Variants in SDK1 observed in about 807,000 individuals in gnomAD.
SDK1 encodes protein sidekick-1.
In SDK1, 157 loss-of-function variants were observed where a neutral mutation model predicts 245.5. The ratio of observed to expected loss-of-function variants is 0.64; its 90% CI spans 0.56 to 0.73. SDK1 has a LOEUF of 0.73. SDK1 is among the 30% of genes least tolerant of loss of function. The probability of loss-of-function intolerance (pLI) is 0.00; values close to 1 mark genes in which losing one functional copy is unlikely to be tolerated. For synonymous variants in SDK1, 1,647 were observed against 1,278.5 expected (o/e 1.29, Z -6.15); for missense variants, 3,583 against 3,002.3 (o/e 1.19, Z -4.52).
intron 17 of SDK1, among the ~76,000 whole-genome samples, chr7:4,044,666 A>G (rs978801919): frequency 3.9e-5 from 6 of 152,064 alleles, no homozygotes; most frequent in African/African-American, 1.4e-4. Context: ...GCTGGTCTCA[A>G]ACTCCTGGGC....
chr7:3,771,004 C>T (rs755727252), intron 4 of SDK1, among the ~76,000 whole-genome samples: 4 of 152,124 alleles, frequency 2.6e-5, no homozygotes, highest in Non-Finnish European at 5.9e-5. Flanking sequence ...TCTGAATTGG[C>T]TGGGTGTTTT....
At chr7:3,391,241 G>A (rs567312669) in intron 1 of SDK1, among the ~76,000 whole-genome samples, 4 of 152,256 alleles carry the variant, frequency 2.6e-5, no homozygotes, top group Non-Finnish European at 4.4e-5. Context: ...GCTCACCAGC[G>A]AAATAATAGA....
chr7:3,535,370 A>C (rs977569827), intron 1 of SDK1, among the ~76,000 whole-genome samples: 1 of 152,212 alleles, frequency 6.6e-6, no homozygotes, highest in African/African-American at 2.4e-5. Flanking sequence ...TTCTAATTAC[A>C]TGCATTAATG....
intron 14 of SDK1, among the ~76,000 whole-genome samples, chr7:3,998,544 A>G (rs1213069003): frequency 6.6e-6 from 1 of 152,194 alleles, no homozygotes; most frequent in Non-Finnish European, 1.5e-5. Context: ...AATACGCTTC[A>G]GCTTTTGGGA....
rs1562732532 is a variant in SDK1, at chr7:4,051,795, C to G, written c.2876C>G (p.Pro959Arg). The G allele has an allele frequency of 6.2e-7, 1 of 1,613,590 alleles. No individual in the cohort carries two copies. The highest frequency in any genetic ancestry group is 8.5e-7 in the Non-Finnish European group (1 of 1,179,792). The change falls in exon 19 of 45, where the codon CCC becomes CGC. Residue 959 changes from proline to arginine, a missense_variant. Coordinates refer to ENST00000404826, the MANE Select transcript of SDK1 (RefSeq NM_152744.4). The stretch of plus-strand genomic sequence containing the variant: ...TTCACCACCCCTGGGGACGGGCCTC[C>G]CAGCACACCTCAGCTGGTCTGGACT... ...LCFTTPGDGP[P>R]STPQLVWTQE...
intron 4 of SDK1, among the ~76,000 whole-genome samples, chr7:3,734,949 C>G (rs9639629): frequency 6.6e-6 from 1 of 152,160 alleles, no homozygotes; most frequent in South Asian, 2.1e-4. Flanking sequence ...GCCCTGTGTC[C>G]TTCATTCTCC....
intron 1 of SDK1, among the ~76,000 whole-genome samples, chr7:3,339,076 A>G (rs1037557542): frequency 1.3e-5 from 2 of 152,238 alleles, no homozygotes; most frequent in African/African-American, 4.8e-5. Flanking sequence ...TCTTAAACCA[A>G]TGACACAGGT....
At chr7:3,303,883 A>G (rs1439209065) in intron 1 of SDK1, among the ~76,000 whole-genome samples, 1 of 152,214 alleles carries the variant, frequency 6.6e-6, no homozygotes, top group Non-Finnish European at 1.5e-5. Context: ...AGTTGGTCAT[A>G]TGTGCAGGAG....
chr7:3,668,301 A>C (rs1783597722), intron 4 of SDK1, among the ~76,000 whole-genome samples: 1 of 152,198 alleles, frequency 6.6e-6, no homozygotes. Context: ...TTCCTCTTCC[A>C]ACACGACTCA....
At chr7:3,775,565 C>CTTT (rs200756787) in intron 4 of SDK1, among the ~76,000 whole-genome samples, 1 of 148,328 alleles carries the variant, frequency 6.7e-6, no homozygotes, top group African/African-American at 2.5e-5. Flanking sequence ...ATTAGTACCT[C>CTTT]TTTTTTTTTC....
chr7:3,388,896 C>G (rs1421793550), intron 1 of SDK1, among the ~76,000 whole-genome samples: 1 of 152,058 alleles, frequency 6.6e-6, no homozygotes, highest in Non-Finnish European at 1.5e-5. Context: ...AGTTTACATT[C>G]CAGTGGGAAA....
At chr7:4,251,286 C>T (rs1350419858) in intron 44 of SDK1, among the ~76,000 whole-genome samples, 2 of 152,228 alleles carry the variant, frequency 1.3e-5, no homozygotes, top group African/African-American at 4.8e-5. Context: ...CAGCACACAA[C>T]ATCCTCATGA....
intron 1 of SDK1, among the ~76,000 whole-genome samples, chr7:3,424,298 T>C (rs997158978): frequency 1.1e-4 from 16 of 152,208 alleles, no homozygotes; most frequent in African/African-American, 3.6e-4. Flanking sequence ...TGTGTGATAA[T>C]CAGAATAGCT....
intron 29 of SDK1, among the ~76,000 whole-genome samples, chr7:4,146,252 C>T (rs1038416425): frequency 3.3e-5 from 5 of 151,228 alleles, no homozygotes; most frequent in African/African-American, 9.7e-5. Flanking sequence ...GTGAGCATTT[C>T]GTGACACACT....
intron 1 of SDK1, among the ~76,000 whole-genome samples, chr7:3,520,725 C>T (rs187013726): frequency 2.6e-5 from 4 of 152,202 alleles, no homozygotes; most frequent in Admixed American, 6.5e-5. Flanking sequence ...GAGGGTATGT[C>T]GATACTTGAA....
chr7:3,573,265 T>TG (rs1456774495), intron 1 of SDK1, among the ~76,000 whole-genome samples: 2 of 152,088 alleles, frequency 1.3e-5, no homozygotes, highest in Admixed American at 1.3e-4. Context: ...GGACGATGGC[T>TG]GGAGCTGAGC....
intron 1 of SDK1, among the ~76,000 whole-genome samples, chr7:3,606,895 A>G (rs1781442166): frequency 6.6e-6 from 1 of 152,236 alleles, no homozygotes; most frequent in African/African-American, 2.4e-5. Context: ...CTTATGAAAA[A>G]AGTTATGTAC....
intron 44 of SDK1, among the ~76,000 whole-genome samples, chr7:4,253,470 A>T (rs1016525418): frequency 6.6e-6 from 1 of 152,110 alleles, no homozygotes; most frequent in East Asian, 1.9e-4. Flanking sequence ...ATTTCTAATT[A>T]TATCCTATTT....
At chr7:4,019,055 C>T in intron 17 of SDK1, among the ~76,000 whole-genome samples, 1 of 152,208 alleles carries the variant, frequency 6.6e-6, no homozygotes, top group Non-Finnish European at 1.5e-5. Context: ...AGTTTCGGCC[C>T]CACAAGCACC....
Sources: gnomAD v4.1 joint callset for allele counts (sites outside exome capture counted in the v4.1 genomes callset) on GRCh38, gnomAD v4.1.1 for gene constraint, MANE v1.5 for transcripts, NCBI Gene and HGNC (gene_info 2026-07-23, HGNC 2026-07-21) for gene names.